Variants in MYLK observed in about 807,000 individuals in gnomAD.
MYLK encodes myosin light chain kinase.
Under a neutral mutation model 203.4 loss-of-function variants are expected in MYLK, and 106 were observed. The ratio of observed to expected loss-of-function variants is 0.52; its 90% confidence interval spans 0.45 to 0.61. MYLK has a LOEUF of 0.61. Among genes scored for constraint, MYLK ranks in the 20% least tolerant of loss-of-function variants. MYLK has a pLI of 0.00. For missense variants in MYLK, 2,072 were observed against 2,442.3 expected (o/e 0.85, Z 3.20); for synonymous variants, 867 against 959.5 (o/e 0.90, Z 1.78).
chr3:123,792,556 T>C (rs1029683810), intron 4 of MYLK, among the ~76,000 whole-genome samples: 7 of 152,196 alleles, frequency 4.6e-5, no homozygotes, highest in African/African-American at 1.7e-4. Flanking sequence ...GCTTTTTGTG[T>C]CTGGCTTCTT....
chr3:123,873,005 T>A (rs966011080), intron 2 of MYLK, among the ~76,000 whole-genome samples: 12 of 152,038 alleles, frequency 7.9e-5, no homozygotes, highest in African/African-American at 2.9e-4. Flanking sequence ...CAGCATAAAC[T>A]CAGGTATGGT....
rs536252141 is a variant in MYLK, at chr3:123,619,391, C to T, written c.5369-621G>A. On this transcript the variant is annotated intron_variant, in intron 32 of 33. Coordinates refer to ENST00000360304, the MANE Select transcript of MYLK (RefSeq NM_053025.4). ...CAGAAGTGGCTCAGGAGGGACCAGG[C>T]CTGTGTGCTGCAGTCTCTATCCCTG... 3.9e-5 allele frequency among the ~76,000 whole-genome samples: 6 copies of T among 152,324 alleles called. No individual in the cohort carries two copies. The South Asian group carries it at 1.2e-3, about 32-fold the overall frequency.
intron 7 of MYLK, among the ~76,000 whole-genome samples, chr3:123,737,867 C>T (rs529976445): frequency 6.6e-6 from 1 of 152,254 alleles, no homozygotes; most frequent in East Asian, 1.9e-4. Context: ...TATTCTTTTC[C>T]TAGGGGAGTT....
intron 24 of MYLK, among the ~76,000 whole-genome samples, chr3:123,655,155 A>G (rs1267806968): frequency 6.6e-6 from 1 of 152,152 alleles, no homozygotes; most frequent in Non-Finnish European, 1.5e-5. Flanking sequence ...TGGAAACTCT[A>G]CAGACTTGGA....
chr3:123,701,306 C>T (rs1560098318), intron 17 of MYLK, 132 bp downstream of exon 17: 1 of 945,170 alleles, frequency 1.1e-6, no homozygotes, highest in Non-Finnish European at 1.7e-6. Context: ...CTTCCAGGCT[C>T]TCCCTTCTGG....
At chr3:123,699,358 TG>T (rs1251784580) in intron 18 of MYLK, among the ~76,000 whole-genome samples, 1 of 152,098 alleles carries the variant, frequency 6.6e-6, no homozygotes, top group African/African-American at 2.4e-5. Flanking sequence ...CATCCAAGAA[TG>T]TGAAATACCA....
intron 5 of MYLK, among the ~76,000 whole-genome samples, chr3:123,747,192 C>T (rs2063045540): frequency 6.6e-6 from 1 of 152,170 alleles, no homozygotes; most frequent in South Asian, 2.1e-4. Context: ...ATCCTGGTGT[C>T]AGTGGCACCA....
chr3:123,870,329 C>T (rs534662646), intron 2 of MYLK, among the ~76,000 whole-genome samples: 8 of 152,358 alleles, frequency 5.3e-5, no homozygotes, highest in South Asian at 4.1e-4. Flanking sequence ...TCCACCCAAC[C>T]TCCGTTTCTT....
intron 2 of MYLK, among the ~76,000 whole-genome samples, chr3:123,836,218 G>A (rs2066471876): frequency 6.6e-6 from 1 of 152,138 alleles, no homozygotes; most frequent in Admixed American, 6.6e-5. Flanking sequence ...GGGCAAAGGA[G>A]AAGTTTTCCC....
chr3:123,686,674 A>T (rs1233913259), intron 19 of MYLK, among the ~76,000 whole-genome samples: 1 of 152,132 alleles, frequency 6.6e-6, no homozygotes, highest in African/African-American at 2.4e-5. Flanking sequence ...AACTTTTCTG[A>T]GTCTGAGCTT....
chr3:123,775,588 T>C (rs73201812), intron 4 of MYLK, among the ~76,000 whole-genome samples: 1,955 of 152,272 alleles, frequency 0.013, 21 homozygotes, highest in Non-Finnish European at 0.019. Flanking sequence ...GCTCCTAGTC[T>C]GGAGCCCAGT....
chr3:123,770,373 A>G (rs1482244754), intron 4 of MYLK, among the ~76,000 whole-genome samples: 1 of 152,200 alleles, frequency 6.6e-6, no homozygotes, highest in African/African-American at 2.4e-5. Context: ...AGGAGAGAAT[A>G]AGTCTTGTGA....
At position 123,682,237 on chromosome 3, in the gene MYLK, C is replaced by T. The variant is rs148419939; in HGVS notation, c.3639G>A (p.Val1213=). 2.5e-4 allele frequency: 402 copies of T among 1,600,914 alleles called. 1 individual carries two copies. The highest frequency in any genetic ancestry group is 4.4e-4 in the South Asian group (39 of 87,928). ...GCGAGTACTCACTCTCAGTTCCTAGCACGGGAGGAAGAGAGCTCTTGGGCC... is the reference window on the plus strand; with the variant it reads ...GCGAGTACTCACTCTCAGTTCCTAGTACGGGAGGAAGAGAGCTCTTGGGCC... ...SRRPKSSLPP[V]LGTESDATVK... is the part of the protein sequence containing the mutation. The change falls in exon 20 of 34, where the codon GTG becomes GTA. Residue 1213 remains valine (V), a synonymous_variant. Coordinates refer to ENST00000360304, the MANE Select transcript of MYLK (RefSeq NM_053025.4).
chr3:123,684,555 T>A (rs963226902), intron 19 of MYLK, among the ~76,000 whole-genome samples: 2 of 150,226 alleles, frequency 1.3e-5, no homozygotes, highest in Non-Finnish European at 3.0e-5. Flanking sequence ...TTTGGCCCCT[T>A]TTTTTTTTTG....
At chr3:123,863,778 C>T (rs2032112127) in intron 2 of MYLK, among the ~76,000 whole-genome samples, 1 of 151,984 alleles carries the variant, frequency 6.6e-6, no homozygotes, top group South Asian at 2.1e-4. Context: ...AATGTGGAAA[C>T]AGACACTTTG....
chr3:123,682,331 A>G (rs2060296883), intron 19 of MYLK, 21 bp from the exon 20 acceptor site: 2 of 1,561,696 alleles, frequency 1.3e-6, no homozygotes, highest in South Asian at 1.2e-5. Context: ...ACAGGTAACA[A>G]TAAATGTTAG....
chr3:123,770,033 G>A (rs534603803), intron 4 of MYLK, among the ~76,000 whole-genome samples: 1 of 151,988 alleles, frequency 6.6e-6, no homozygotes, highest in Admixed American at 6.6e-5. Context: ...AAGTCAGGCC[G>A]GGTGCAGTGG....
At chr3:123,663,669 C>G (rs991667535) in intron 23 of MYLK, among the ~76,000 whole-genome samples, 1 of 152,064 alleles carries the variant, frequency 6.6e-6, no homozygotes, top group African/African-American at 2.4e-5. Flanking sequence ...AAGGGAGCAG[C>G]CTTTGGTGGG....
At chr3:123,763,188 T>A (rs559218476) in intron 4 of MYLK, among the ~76,000 whole-genome samples, 21 of 152,354 alleles carry the variant, frequency 1.4e-4, no homozygotes, top group African/African-American at 4.6e-4. Flanking sequence ...ATATCCTTAG[T>A]TTTTTAAGGA....
Sources: allele counts gnomAD v4.1 joint callset (sites outside exome capture counted in the v4.1 genomes callset), GRCh38; gene constraint gnomAD v4.1.1; transcripts MANE v1.5; gene names NCBI Gene and HGNC (gene_info 2026-07-23, HGNC 2026-07-21).